The following PCDH15 variants were observed in gnomAD, a reference collection of about 807,000 sequenced individuals.
The protein encoded by PCDH15 is protocadherin related 15.
In PCDH15, 129 loss-of-function variants were observed where a neutral mutation model predicts 178.5. That is an observed-to-expected ratio of 0.72 (90% confidence interval 0.63 to 0.84). PCDH15 has a LOEUF of 0.84. PCDH15 is among the 40% of genes least tolerant of loss of function. The probability of loss-of-function intolerance (pLI) is 0.00; values close to 1 mark genes in which losing one functional copy is unlikely to be tolerated. For missense variants in PCDH15, 2,230 were observed against 2,099.9 expected (o/e 1.06, Z -1.21); for synonymous variants, 800 against 732.0 (o/e 1.09, Z -1.50).
intron 1 of PCDH15, among the ~76,000 whole-genome samples, chr10:54,792,078 G>A (rs1951468938): frequency 1.3e-5 from 2 of 151,862 alleles, no homozygotes; most frequent in Non-Finnish European, 2.9e-5. Context: ...TGAGCCCTCT[G>A]GGTTTCCTTA....
chr10:54,394,542 A>C (rs1950961276), intron 3 of PCDH15, among the ~76,000 whole-genome samples: 2 of 152,188 alleles, frequency 1.3e-5, no homozygotes, highest in South Asian at 4.1e-4. Flanking sequence ...TTACAAGGTA[A>C]TAGAATATCA....
At chr10:54,312,926 C>T (rs921784360) in intron 8 of PCDH15, among the ~76,000 whole-genome samples, 1 of 151,810 alleles carries the variant, frequency 6.6e-6, no homozygotes, top group Non-Finnish European at 1.5e-5. Flanking sequence ...TATTTTTGTA[C>T]ATGAAATAAA....
intron 37 of PCDH15, chr10:53,808,536 C>G: frequency 7.0e-7 from 1 of 1,436,712 alleles, no homozygotes; most frequent in Non-Finnish European, 9.1e-7. Flanking sequence ...ATTTGGACAA[C>G]ATATATATTC....
At chr10:55,046,592 C>A (rs1011170028) in intron 2 of PCDH15, among the ~76,000 whole-genome samples, 1 of 151,898 alleles carries the variant, frequency 6.6e-6, no homozygotes, top group Admixed American at 6.6e-5. Flanking sequence ...AGAAAATTTC[C>A]AGACTGCTGA....
chr10:53,915,967 C>T (rs1227535169), intron 25 of PCDH15, among the ~76,000 whole-genome samples: 1 of 152,076 alleles, frequency 6.6e-6, no homozygotes, highest in Non-Finnish European at 1.5e-5. Flanking sequence ...GGTCCCAGGA[C>T]CCCCTTCTGA....
intron 2 of PCDH15, among the ~76,000 whole-genome samples, chr10:55,621,958 T>C (rs1167851993): frequency 6.8e-6 from 1 of 146,660 alleles, no homozygotes; most frequent in Non-Finnish European, 1.5e-5. Flanking sequence ...TCATTCATAG[T>C]TAAATATAAA....
Position 55,284,800 on chromosome 10 carries a change from T to G in PCDH15, c.-156+34799A>C, listed in dbSNP as rs142601772. ...CAGACATATATTTATCATGGGGGAG[T>G]TACAAGAGCATCAGAAATGAATGCT... On this transcript the variant is annotated intron_variant, in intron 1 of 5. Transcript: ENST00000458638. Among the ~76,000 whole-genome samples, 336 of 152,010 alleles carry G rather than the reference T, an allele frequency of 2.2e-3. 2 individuals are homozygous for G. The highest frequency in any genetic ancestry group is 0.01 in the Middle Eastern group (3 of 294).
At chr10:54,857,111 C>T (rs1408827169) in intron 3 of PCDH15, among the ~76,000 whole-genome samples, 1 of 152,112 alleles carries the variant, frequency 6.6e-6, no homozygotes, top group Admixed American at 6.6e-5. Flanking sequence ...ATACCCATTG[C>T]CTCAATACTG....
At chr10:54,952,158 G>T (rs1294958735) in intron 2 of PCDH15, among the ~76,000 whole-genome samples, 1 of 151,830 alleles carries the variant, frequency 6.6e-6, no homozygotes, top group Non-Finnish European at 1.5e-5. Flanking sequence ...GTTTTACATT[G>T]GGGCCTATAA....
intron 2 of PCDH15, among the ~76,000 whole-genome samples, chr10:54,663,421 A>G (rs1416165840): frequency 6.7e-6 from 1 of 148,420 alleles, no homozygotes; most frequent in East Asian, 2.0e-4. Flanking sequence ...CTTCTATCAA[A>G]TTTATATATA....
intron 2 of PCDH15, among the ~76,000 whole-genome samples, chr10:54,582,767 A>T (rs2091152593): frequency 6.6e-6 from 1 of 152,030 alleles, no homozygotes. Context: ...TAAAAAATAT[A>T]GCTGGGAATG....
At chr10:55,191,738 A>G (rs1435236016) in intron 1 of PCDH15, among the ~76,000 whole-genome samples, 1 of 151,910 alleles carries the variant, frequency 6.6e-6, no homozygotes, top group Non-Finnish European at 1.5e-5. Context: ...AGCAAACCCA[A>G]GAAGTGACCC....
intron 23 of PCDH15, among the ~76,000 whole-genome samples, chr10:53,957,253 G>C (rs2087703734): frequency 6.6e-6 from 1 of 152,162 alleles, no homozygotes; most frequent in Admixed American, 6.5e-5. Flanking sequence ...AAAACTGTGA[G>C]CGTTTTTTTG....
chr10:54,891,289 C>T (rs1378150119), intron 3 of PCDH15, among the ~76,000 whole-genome samples: 1 of 152,070 alleles, frequency 6.6e-6, no homozygotes, highest in Non-Finnish European at 1.5e-5. Context: ...TATCTTCTAA[C>T]ATACATTATC....
At chr10:54,538,096 C>A (rs377629760) in intron 2 of PCDH15, among the ~76,000 whole-genome samples, 6 of 152,046 alleles carry the variant, frequency 3.9e-5, no homozygotes, top group South Asian at 2.1e-4. Context: ...TCTTTTCTGT[C>A]GGGCAGAAGC....
At chr10:54,570,918 C>CGAG (rs1415089607) in intron 2 of PCDH15, among the ~76,000 whole-genome samples, 1 of 151,506 alleles carries the variant, frequency 6.6e-6, no homozygotes, top group Non-Finnish European at 1.5e-5. Flanking sequence ...CACCTGCCTC[C>CGAG]GCCTCCCAAA....
intron 8 of PCDH15, among the ~76,000 whole-genome samples, chr10:54,313,811 C>T (rs1002502894): frequency 6.6e-6 from 1 of 152,066 alleles, no homozygotes; most frequent in Non-Finnish European, 1.5e-5. Flanking sequence ...TAGCATTAAA[C>T]TGCATAGGAA....
At chr10:54,618,723 T>A (rs1230973665) in intron 2 of PCDH15, among the ~76,000 whole-genome samples, 1 of 152,146 alleles carries the variant, frequency 6.6e-6, no homozygotes, top group African/African-American at 2.4e-5. Context: ...GTTTGCTACA[T>A]GTTATATATT....
chr10:53,970,511 T>TA (rs1396921636), intron 21 of PCDH15, among the ~76,000 whole-genome samples: 99 of 150,886 alleles, frequency 6.6e-4, no homozygotes, highest in African/African-American at 2.0e-3. Flanking sequence ...TGTTTTTTTT[T>TA]AAAAAATCAA....
Sources: allele counts gnomAD v4.1 joint callset (sites outside exome capture counted in the v4.1 genomes callset), GRCh38; gene constraint gnomAD v4.1.1; transcripts MANE v1.5; gene names NCBI Gene and HGNC (gene_info 2026-07-23, HGNC 2026-07-21).